The following AUH variants were observed in gnomAD, a reference collection of about 807,000 sequenced individuals.
The protein encoded by AUH is AU RNA binding methylglutaconyl-CoA hydratase.
In AUH, 29 loss-of-function variants were observed where a neutral mutation model predicts 42.3. The observed-to-expected ratio is 0.69, with a 90% CI of 0.51 to 0.93. The LOEUF is 0.93. Among genes scored for constraint, AUH ranks in the 40% least tolerant of loss-of-function variants. The probability of loss-of-function intolerance (pLI) is 0.00; values close to 1 mark genes in which losing one functional copy is unlikely to be tolerated. For synonymous variants in AUH, 174 were observed against 166.4 expected, an observed-to-expected ratio of 1.05 and a Z score of -0.35; for missense variants, 452 against 438.1, an observed-to-expected ratio of 1.03 and a Z score of -0.28.
chr9:91,338,042 T>C (rs1352704103), intron 3 of AUH, among the ~76,000 whole-genome samples: 1 of 152,190 alleles, frequency 6.6e-6, no homozygotes, highest in African/African-American at 2.4e-5. Flanking sequence ...TTACTCCAAT[T>C]AAATAAAAAA....
intron 6 of AUH, among the ~76,000 whole-genome samples, chr9:91,259,752 GTTTT>G: frequency 6.6e-6 from 1 of 152,042 alleles, no homozygotes; most frequent in Admixed American, 6.5e-5. Context: ...ATGTCTTTCG[GTTTT>G]TTATTTCTAA....
intron 3 of AUH, 151 bp downstream of exon 3, chr9:91,355,732 C>A (rs1587930181): frequency 1.4e-6 from 1 of 691,382 alleles, no homozygotes; most frequent in South Asian, 1.7e-5. Flanking sequence ...ACAGACTAAG[C>A]ATGTTTTTTT....
intron 6 of AUH, among the ~76,000 whole-genome samples, chr9:91,275,447 T>C (rs527417770): frequency 6.6e-6 from 1 of 152,350 alleles, no homozygotes; most frequent in South Asian, 2.1e-4. Context: ...TATGGTGATT[T>C]CTCATTTTTC....
chr9:91,272,574 C>T (rs138665696), intron 6 of AUH, among the ~76,000 whole-genome samples: 110 of 152,314 alleles, frequency 7.2e-4, no homozygotes, highest in African/African-American at 2.6e-3. Flanking sequence ...TCTGAAAACA[C>T]CCGATACCCA....
intron 4 of AUH, among the ~76,000 whole-genome samples, chr9:91,318,476 A>C (rs1432043406): frequency 6.6e-6 from 1 of 152,110 alleles, no homozygotes; most frequent in African/African-American, 2.4e-5. Flanking sequence ...TGCCTGATGC[A>C]CATGTATTTA....
At chr9:91,340,202 C>A (rs1046539298) in intron 3 of AUH, among the ~76,000 whole-genome samples, 1 of 152,166 alleles carries the variant, frequency 6.6e-6, no homozygotes, top group Non-Finnish European at 1.5e-5. Flanking sequence ...GACTGATCCT[C>A]CAGGACAGTA....
rs529951428 is a variant in AUH at position 91,227,088 on chromosome 9, G to C, written c.656-6096C>G. 7.9e-5 allele frequency among the ~76,000 whole-genome samples: 12 copies of C among 151,742 alleles called. No homozygotes were observed. In the South Asian group the frequency reaches 2.5e-3, roughly 32 times the overall value. On this transcript the variant is annotated intron_variant, in intron 6 of 9. Coordinates refer to ENST00000375731, the MANE Select transcript of AUH (RefSeq NM_001698.3). ...AAGTAGTTTCTCCCAATTCTGTAAA[G>C]AAAGGCATTGGTAGCTTGATGGGGA... is the stretch of plus-strand genomic sequence containing the variant.
At chr9:91,361,550 C>G in intron 1 of AUH, 78 bp downstream of exon 1, 1 of 1,518,662 alleles carries the variant, frequency 6.6e-7, no homozygotes, top group Non-Finnish European at 8.8e-7. Flanking sequence ...GTCCTGCCGG[C>G]GGACGCTGCA....
intron 6 of AUH, among the ~76,000 whole-genome samples, chr9:91,226,648 A>T (rs376603071): frequency 1.8e-5 from 2 of 113,262 alleles, no homozygotes; most frequent in Non-Finnish European, 3.7e-5. Context: ...CTGAATGGTA[A>T]TGCCTAGGTT....
chr9:91,225,145 G>C (rs923505019), intron 6 of AUH, among the ~76,000 whole-genome samples: 1 of 152,158 alleles, frequency 6.6e-6, no homozygotes, highest in African/African-American at 2.4e-5. Flanking sequence ...TATTCTTGCT[G>C]GTTAAGGAAG....
intron 3 of AUH, among the ~76,000 whole-genome samples, chr9:91,349,699 CACACAG>C (rs1032146252): frequency 2.0e-5 from 3 of 150,938 alleles, no homozygotes; most frequent in East Asian, 1.9e-4. Flanking sequence ...CACACACACA[CACACAG>C]AGAGAAGAGA....
At chr9:91,302,298 T>A (rs974715507) in intron 4 of AUH, among the ~76,000 whole-genome samples, 1 of 151,882 alleles carries the variant, frequency 6.6e-6, no homozygotes, top group Non-Finnish European at 1.5e-5. Flanking sequence ...TGAAACCCCA[T>A]CTCTACTAAA....
chr9:91,224,220 A>G (rs1827300998), intron 6 of AUH, among the ~76,000 whole-genome samples: 1 of 152,288 alleles, frequency 6.6e-6, no homozygotes, highest in East Asian at 1.9e-4. Flanking sequence ...TGAGCGCCTA[A>G]GTTTTCATGT....
Position 91,312,178 on chromosome 9 carries a change from A to G in AUH, c.505+13140T>C, listed in dbSNP as rs116189696. Among the ~76,000 whole-genome samples the G allele has an allele frequency of 3.0e-3, 462 of 152,358 alleles. 5 individuals are homozygous for G. Among genetic ancestry groups the G allele is most frequent in the African/African-American group, 0.011 (442 of 41,580 alleles). Reference sequence around the variant, plus strand: ...TTTAATAAAACAGAAGAGCTTTCAAATAAGTCATGTCTGTAAGTTGCTTAT... The same window carrying G: ...TTTAATAAAACAGAAGAGCTTTCAAGTAAGTCATGTCTGTAAGTTGCTTAT... On this transcript the variant is annotated intron_variant, in intron 4 of 9. Coordinates refer to ENST00000375731, the MANE Select transcript of AUH (RefSeq NM_001698.3).
At chr9:91,216,480 T>G (rs1056993633) in intron 8 of AUH, among the ~76,000 whole-genome samples, 9 of 151,950 alleles carry the variant, frequency 5.9e-5, no homozygotes, top group African/African-American at 2.2e-4. Context: ...TAATACATAG[T>G]AAGGGCTATA....
intron 4 of AUH, among the ~76,000 whole-genome samples, chr9:91,311,377 T>C (rs1488494167): frequency 6.6e-6 from 1 of 152,200 alleles, no homozygotes; most frequent in Non-Finnish European, 1.5e-5. Flanking sequence ...TTTTATTTCA[T>C]CAGAGAAAGA....
chr9:91,298,068 G>C lies in AUH; in HGVS notation c.514C>G (p.Pro172Ala). The change falls in exon 5 of 10, where the codon CCA becomes GCA. Residue 172 changes from proline to alanine, a missense_variant. Pro to Ala is a conservative substitution (Grantham distance 27). Coordinates refer to ENST00000375731, the MANE Select transcript of AUH (RefSeq NM_001698.3). ...RAVINDIANLPVPTIAAIDGL... is the reference protein window; with the variant it reads ...RAVINDIANLAVPTIAAIDGL... Reference sequence around the variant, plus strand: ...TCTATTGCTGCAATTGTTGGTACTGGAAGATTAGCTGAAATGGAAAGAAAA... The same window carrying C: ...TCTATTGCTGCAATTGTTGGTACTGCAAGATTAGCTGAAATGGAAAGAAAA... The C allele has an allele frequency of 6.2e-7, 1 of 1,613,324 alleles. No homozygotes were observed. The highest frequency in any genetic ancestry group is 1.3e-5 in the African/African-American group (1 of 75,036).
At chr9:91,326,549 A>C (rs935092527) in intron 3 of AUH, among the ~76,000 whole-genome samples, 1 of 152,208 alleles carries the variant, frequency 6.6e-6, no homozygotes, top group Non-Finnish European at 1.5e-5. Context: ...GATAAATCCA[A>C]TGAATAATAT....
intron 6 of AUH, among the ~76,000 whole-genome samples, chr9:91,280,593 A>C (rs1377610974): frequency 6.6e-6 from 1 of 152,216 alleles, no homozygotes; most frequent in East Asian, 1.9e-4. Context: ...TTAATGAAAA[A>C]AGGGCAGTTA....
Sources: allele counts gnomAD v4.1 joint callset (sites outside exome capture counted in the v4.1 genomes callset), GRCh38; gene constraint gnomAD v4.1.1; transcripts MANE v1.5; gene names NCBI Gene and HGNC (gene_info 2026-07-23, HGNC 2026-07-21).